Variants in GARNL3 observed in about 807,000 individuals in gnomAD.
The protein encoded by GARNL3 is GTPase-activating Rap/Ran-GAP domain-like protein 3.
GARNL3 carries 63 observed loss-of-function variants against 125.0 expected under a neutral mutation model. The observed-to-expected ratio is 0.50, with a 90% confidence interval of 0.41 to 0.62. The LOEUF is 0.62. Among genes scored for constraint, GARNL3 ranks in the 20% least tolerant of loss-of-function variants. GARNL3 has a pLI of 0.00. For synonymous variants in GARNL3, 439 were observed against 457.5 expected, an observed-to-expected ratio of 0.96 and a Z score of 0.52; for missense variants, 994 against 1,244.0, an observed-to-expected ratio of 0.80 and a Z score of 3.02.
intron 2 of GARNL3, among the ~76,000 whole-genome samples, chr9:127,308,192 T>A (rs1223888448): frequency 6.6e-6 from 1 of 152,154 alleles, no homozygotes; most frequent in Non-Finnish European, 1.5e-5. Context: ...ACATCACCAC[T>A]GAGGAACAGA....
At chr9:127,277,910 T>A (rs1013950509) in intron 1 of GARNL3, among the ~76,000 whole-genome samples, 2 of 152,168 alleles carry the variant, frequency 1.3e-5, no homozygotes, top group Non-Finnish European at 2.9e-5. Flanking sequence ...TTGTGGGCAT[T>A]TTTTACCTGT....
chr9:127,252,173 A>T (rs996466582), intron 2 of GARNL3, among the ~76,000 whole-genome samples: 1 of 152,224 alleles, frequency 6.6e-6, no homozygotes, highest in Non-Finnish European at 1.5e-5. Context: ...GTAAAATTAA[A>T]CATAACACTT....
intron 1 of GARNL3, among the ~76,000 whole-genome samples, chr9:127,235,558 C>G (rs1347423521): frequency 2.6e-5 from 4 of 151,958 alleles, no homozygotes. Context: ...AGACTTGAGA[C>G]TTGAATGTGA....
At chr9:127,303,818 A>G (rs2064869742) in intron 2 of GARNL3, among the ~76,000 whole-genome samples, 1 of 152,228 alleles carries the variant, frequency 6.6e-6, no homozygotes, top group East Asian at 1.9e-4. Context: ...ATTATCCTCA[A>G]AATATCCTGG....
chr9:127,325,886 A>G (rs1432167764), intron 7 of GARNL3, among the ~76,000 whole-genome samples: 1 of 152,110 alleles, frequency 6.6e-6, no homozygotes, highest in Non-Finnish European at 1.5e-5. Flanking sequence ...TCCTTTTGAA[A>G]CATGTGGAAT....
chr9:127,335,101 A>G (rs1829477513), intron 9 of GARNL3, 129 bp from the exon 10 acceptor site: 2 of 664,192 alleles, frequency 3.0e-6, no homozygotes, highest in Non-Finnish European at 5.3e-6. Context: ...TGTTGCTTCC[A>G]TGCAGGTGGA....
chr9:127,258,000 C>T (rs533333231), intron 2 of GARNL3, among the ~76,000 whole-genome samples: 1 of 151,904 alleles, frequency 6.6e-6, no homozygotes, highest in Non-Finnish European at 1.5e-5. Flanking sequence ...ATTGTTTTAA[C>T]CCCCTGTTGC....
At position 127,255,323 on chromosome 9, in the gene GARNL3, G is replaced by T. The variant is rs80248761; in HGVS notation, c.144-9629G>T. Among the ~76,000 whole-genome samples the T allele has an allele frequency of 5.3e-3, 808 of 152,308 alleles. 24 individuals carry two copies. In the East Asian group the frequency reaches 0.099, roughly 19 times the overall value. On this transcript the variant is annotated intron_variant, in intron 2 of 10. Transcript: ENST00000439286. ...CTAAAGTGGGTGGGTTAGAGCTACA[G>T]GCATCACCATGAACAAATCTCAAGA...
chr9:127,273,784 T>C (rs2063883890), intron 1 of GARNL3, among the ~76,000 whole-genome samples: 1 of 152,206 alleles, frequency 6.6e-6, no homozygotes, highest in Non-Finnish European at 1.5e-5. Flanking sequence ...AAAAGTGCCA[T>C]GCTTCTCCTG....
chr9:127,346,763 G>A (rs1830159218), intron 16 of GARNL3, among the ~76,000 whole-genome samples: 1 of 152,158 alleles, frequency 6.6e-6, no homozygotes, highest in South Asian at 2.1e-4. Flanking sequence ...TGGCTCTGCA[G>A]AGGCCAGAGC....
intron 1 of GARNL3, among the ~76,000 whole-genome samples, chr9:127,231,359 A>G (rs1004221161): frequency 2.0e-5 from 3 of 150,560 alleles, no homozygotes; most frequent in Non-Finnish European, 4.4e-5. Flanking sequence ...GGCGTGAGCC[A>G]CTGCGCCCGG....
At chr9:127,247,181 G>A (rs2063319517) in intron 2 of GARNL3, among the ~76,000 whole-genome samples, 2 of 152,158 alleles carry the variant, frequency 1.3e-5, no homozygotes, top group East Asian at 3.8e-4. Flanking sequence ...GTGCTGAATG[G>A]CTTTTGAGAC....
intron 17 of GARNL3, among the ~76,000 whole-genome samples, chr9:127,352,507 A>T (rs1830470825): frequency 6.6e-6 from 1 of 152,188 alleles, no homozygotes; most frequent in Non-Finnish European, 1.5e-5. Flanking sequence ...GCCCCAGCGG[A>T]AGTACAAAGA....
rs530828350 is a variant in GARNL3, at chr9:127,341,633, G to C, written c.1136-586G>C. Among the ~76,000 whole-genome samples, 10 of 152,258 alleles carry C rather than the reference G, an allele frequency of 6.6e-5. 1 individual carries two copies. The South Asian group carries it at 2.1e-3, about 32-fold the overall frequency. On this transcript the variant is annotated intron_variant, in intron 13 of 27. Coordinates refer to ENST00000373387, the MANE Select transcript of GARNL3 (RefSeq NM_032293.5). ...GCTCAGGAAGACAGCATTCACTGTA[G>C]GGGGCCTGTGGCAAGGAAGGGGCCG...
In GARNL3 at chr9:127,354,345, T is replaced by C; in HGVS notation, c.1694T>C (p.Leu565Pro). 6.2e-7 allele frequency: 1 copy of C among 1,614,034 alleles called. No individual in the cohort carries two copies. The part of the protein sequence containing the change: ...VFRLSALQKG[L>P]EGKQAGKSRS... The stretch of plus-strand genomic sequence containing the variant: ...AGGCTAAGTGCTCTGCAAAAGGGCC[T>C]TGAGGGGAAGCAGGCTGGGAAGAGC... Residue 565 changes from leucine to proline, a missense_variant, in exon 19 of 28, where the codon CTT becomes CCT. Transcript: ENST00000373387.
intron 21 of GARNL3, chr9:127,363,647 A>C (rs1831130884): frequency 6.6e-6 from 1 of 152,612 alleles, no homozygotes; most frequent in South Asian, 2.1e-4. Context: ...GGGCTGGGAC[A>C]GAGGAGCCAG....
chr9:127,340,529 C>G (rs1325321978), intron 13 of GARNL3, among the ~76,000 whole-genome samples: 1 of 151,862 alleles, frequency 6.6e-6, no homozygotes, highest in East Asian at 1.9e-4. Context: ...GCCAGGTATG[C>G]TGGGCATTGC....
chr9:127,249,779 G>A (rs1022993722), intron 2 of GARNL3, among the ~76,000 whole-genome samples: 6 of 152,072 alleles, frequency 3.9e-5, no homozygotes, highest in African/African-American at 9.6e-5. Flanking sequence ...AGGCCGAGGC[G>A]GGTGGATCAC....
chr9:127,318,166 G>A, intron 5 of GARNL3, 39 bp downstream of exon 5: 1 of 1,239,086 alleles, frequency 8.1e-7, no homozygotes. Context: ...CATGGATTTG[G>A]AGCCCTTTAT....
Sources: gnomAD v4.1 joint callset for allele counts (sites outside exome capture counted in the v4.1 genomes callset) on GRCh38, gnomAD v4.1.1 for gene constraint, MANE v1.5 for transcripts, NCBI Gene and HGNC (gene_info 2026-07-23, HGNC 2026-07-21) for gene names.